The following PCDH7 variants were observed in gnomAD, a reference collection of about 807,000 sequenced individuals.
PCDH7 encodes protocadherin-7.
A neutral mutation model predicts 58.9 loss-of-function variants in PCDH7; 17 were observed. The observed-to-expected ratio is 0.29, with a 90% CI of 0.20 to 0.43. PCDH7 has a LOEUF of 0.43. Ranked by LOEUF, PCDH7 falls within the 20% of genes least tolerant of loss-of-function variation. The pLI, the probability that PCDH7 is intolerant of heterozygous loss-of-function variation, is 1.00. For missense variants in PCDH7, 1,274 were observed against 1,441.0 expected (o/e 0.88, Z 1.88); for synonymous variants, 664 against 616.4 (o/e 1.08, Z -1.14).
At chr4:31,072,645 C>T (rs1449824922) in intron 3 of PCDH7, among the ~76,000 whole-genome samples, 1 of 151,932 alleles carries the variant, frequency 6.6e-6, no homozygotes, top group Non-Finnish European at 1.5e-5. Flanking sequence ...ATATGAAGGC[C>T]AGAAGTCCGA....
chr4:30,959,785 G>A (rs1424423129), intron 3 of PCDH7, among the ~76,000 whole-genome samples: 3 of 152,010 alleles, frequency 2.0e-5, no homozygotes, highest in African/African-American at 4.8e-5. Context: ...ATAAATGTGT[G>A]CCTTCATCTA....
chr4:30,857,984 T>TA (rs1037307755), intron 1 of PCDH7, among the ~76,000 whole-genome samples: 1 of 152,138 alleles, frequency 6.6e-6, no homozygotes, highest in African/African-American at 2.4e-5. Flanking sequence ...CAGAATTAAG[T>TA]AAAGAATAAA....
At chr4:30,882,778 G>T (rs1485292421) in intron 1 of PCDH7, among the ~76,000 whole-genome samples, 1 of 152,180 alleles carries the variant, frequency 6.6e-6, no homozygotes, top group Non-Finnish European at 1.5e-5. Context: ...AGCAATAGCT[G>T]CAATTACTTG....
intron 1 of PCDH7, among the ~76,000 whole-genome samples, chr4:30,752,635 T>C (rs548512819): frequency 1.3e-5 from 2 of 151,004 alleles, no homozygotes; most frequent in Admixed American, 1.3e-4. Flanking sequence ...ACTCTTACTT[T>C]TTTTTTTTTT....
At chr4:30,908,241 A>T (rs1383438316) in intron 1 of PCDH7, among the ~76,000 whole-genome samples, 1 of 85,428 alleles carries the variant, frequency 1.2e-5, no homozygotes, top group Non-Finnish European at 2.2e-5. Context: ...CTTAAAGAAT[A>T]ATAAAAAAAA....
chr4:30,730,087 TAGG>T (rs1715266963), intron 1 of PCDH7, among the ~76,000 whole-genome samples: 2 of 151,808 alleles, frequency 1.3e-5, no homozygotes, highest in East Asian at 1.9e-4. Context: ...GGAGATTATG[TAGG>T]AGATTTAGTA....
intron 3 of PCDH7, among the ~76,000 whole-genome samples, chr4:31,002,319 G>T (rs35131545): frequency 0.21 from 32,008 of 152,198 alleles, 6,607 homozygotes; most frequent in African/African-American, 0.53. Context: ...CAGCTTCACA[G>T]CAGACTCATT....
intron 3 of PCDH7, among the ~76,000 whole-genome samples, chr4:30,988,145 G>C (rs538051441): frequency 6.6e-6 from 1 of 152,154 alleles, no homozygotes; most frequent in East Asian, 1.9e-4. Context: ...GAATCACCAC[G>C]TGAGAAAGGA....
In PCDH7 at chr4:30,724,060, A is replaced by G. The variant is rs199839500; in HGVS notation, c.2638A>G (p.Ile880Val). The stretch of plus-strand genomic sequence containing the variant: ...TGAAATTAGCAAACAGAGACTCAGT[A>G]TTGTCATTGGCGTGGTTGCTGGCAT... The change falls in exon 1 of 2, where the codon ATT becomes GTT. Residue 880 changes from isoleucine to valine, a missense_variant. This residue lies in a region of PCDH7 where 731 missense variants were observed against 881.9 expected (regional missense o/e 0.83). Transcript: ENST00000361762. 7 of 1,614,070 alleles carry G rather than the reference A, an allele frequency of 4.3e-6. No individual in the cohort carries two copies. In the South Asian group the frequency reaches 5.5e-5, roughly 13 times the overall value.
intron 3 of PCDH7, among the ~76,000 whole-genome samples, chr4:30,959,259 T>C (rs1020904070): frequency 6.7e-6 from 1 of 149,852 alleles, no homozygotes; most frequent in Admixed American, 6.7e-5. Flanking sequence ...TTTTTTTTTT[T>C]AAGCCAAACA....
At chr4:30,740,965 T>C (rs1716993519) in intron 1 of PCDH7, among the ~76,000 whole-genome samples, 2 of 152,202 alleles carry the variant, frequency 1.3e-5, no homozygotes, top group South Asian at 4.1e-4. Context: ...GTTAATTCTT[T>C]ATGAAAGCAA....
intron 3 of PCDH7, among the ~76,000 whole-genome samples, chr4:31,120,451 T>C (rs1024545628): frequency 1.3e-5 from 2 of 150,134 alleles, no homozygotes; most frequent in Non-Finnish European, 3.0e-5. Context: ...CTTTTTTTTT[T>C]TTTTTTGGTC....
chr4:31,083,183 T>C (rs895302323), intron 3 of PCDH7, among the ~76,000 whole-genome samples: 2 of 152,084 alleles, frequency 1.3e-5, no homozygotes, highest in Admixed American at 6.5e-5. Context: ...GCAGGTGTAC[T>C]AAAATCTGAA....
chr4:30,927,030 A>C (rs1232252302), intron 2 of PCDH7, among the ~76,000 whole-genome samples: 1 of 152,114 alleles, frequency 6.6e-6, no homozygotes, highest in Non-Finnish European at 1.5e-5. Context: ...AAACTAGATC[A>C]CTTTGCTGAA....
At chr4:30,965,129 A>G (rs563163352) in intron 3 of PCDH7, among the ~76,000 whole-genome samples, 58 of 152,340 alleles carry the variant, frequency 3.8e-4, no homozygotes, top group African/African-American at 1.3e-3. Context: ...ACGATTTGCA[A>G]TTCTAGTGTA....
intron 3 of PCDH7, among the ~76,000 whole-genome samples, chr4:31,041,629 T>C (rs1234171100): frequency 1.3e-5 from 2 of 151,956 alleles, no homozygotes; most frequent in Admixed American, 1.3e-4. Flanking sequence ...TGTCCCCAAC[T>C]AGACCATTGT....
At chr4:30,782,655 C>T (rs1302168674) in intron 1 of PCDH7, among the ~76,000 whole-genome samples, 3 of 151,978 alleles carry the variant, frequency 2.0e-5, no homozygotes, top group Admixed American at 6.6e-5. Context: ...AAATGAAGAC[C>T]CAAAGAAATA....
chr4:30,727,642 G>T (rs982869585), intron 1 of PCDH7, among the ~76,000 whole-genome samples: 1 of 151,866 alleles, frequency 6.6e-6, no homozygotes, highest in African/African-American at 2.4e-5. Context: ...CCACCTTTCT[G>T]TTTCATTCTT....
At chr4:31,081,679 C>T (rs1307148887) in intron 3 of PCDH7, among the ~76,000 whole-genome samples, 3 of 152,044 alleles carry the variant, frequency 2.0e-5, no homozygotes, top group Admixed American at 1.3e-4. Flanking sequence ...TTTCCATTCC[C>T]CAGCTTATTT....
Sources: gnomAD v4.1 joint callset for allele counts (sites outside exome capture counted in the v4.1 genomes callset) on GRCh38, gnomAD v4.1.1 for gene constraint, gnomAD v4.1.1 regional missense constraint, MANE v1.5 for transcripts, NCBI Gene and HGNC (gene_info 2026-07-23, HGNC 2026-07-21) for gene names.